The following LEKR1 variants were observed in gnomAD, a reference collection of about 807,000 sequenced individuals.
The protein encoded by LEKR1 is protein LEKR1.
LEKR1 carries 59 observed loss-of-function variants against 72.4 expected under a neutral mutation model. The observed-to-expected ratio is 0.82, with a 90% CI of 0.66 to 1.01. LEKR1 has a LOEUF of 1.01. Among genes scored for constraint, LEKR1 ranks in the 50% least tolerant of loss-of-function variants. The pLI is 0.00. For synonymous variants in LEKR1, 257 were observed against 263.2 expected, an observed-to-expected ratio of 0.98 and a Z score of 0.23; for missense variants, 728 against 759.2, an observed-to-expected ratio of 0.96 and a Z score of 0.48.
intron 3 of LEKR1, among the ~76,000 whole-genome samples, chr3:156,919,359 A>G (rs749920785): frequency 2.3e-5 from 3 of 133,180 alleles, no homozygotes; most frequent in Non-Finnish European, 4.6e-5. Context: ...TTGTATTACG[A>G]GCATTGTTGT....
intron 4 of LEKR1, chr3:156,924,351 C>G (rs1040146256): frequency 4.7e-5 from 19 of 407,304 alleles, no homozygotes; most frequent in Non-Finnish European, 7.8e-5. Flanking sequence ...AGAGTTCTTT[C>G]TATATTCTGG....
At chr3:156,906,029 T>C (rs1375479064) in intron 3 of LEKR1, among the ~76,000 whole-genome samples, 1 of 152,100 alleles carries the variant, frequency 6.6e-6, no homozygotes, top group Non-Finnish European at 1.5e-5. Context: ...CAAAATCAGT[T>C]TGAGGGAAAG....
In LEKR1 at chr3:157,037,502, C is replaced by A. The variant is rs146788597; in HGVS notation, c.1669-7838C>A. Among the ~76,000 whole-genome samples, 10 of 152,220 alleles carry A rather than the reference C, an allele frequency of 6.6e-5. No individual in the cohort carries two copies. The East Asian group carries it at 7.7e-4, about 12-fold the overall frequency. ...AGAATATAAACCTTAATGAGATTTT[C>A]TTTTCAGATTATGAGAAATGAAAAA... On this transcript the variant is annotated intron_variant, in intron 12 of 12. Transcript: ENST00000356539.
chr3:157,003,806 C>T (rs1295442564), intron 9 of LEKR1, among the ~76,000 whole-genome samples: 1 of 152,042 alleles, frequency 6.6e-6, no homozygotes, highest in Non-Finnish European at 1.5e-5. Flanking sequence ...ATTATCAACC[C>T]TGTAGCAACC....
At chr3:157,016,533 C>T (rs1733352004) in intron 10 of LEKR1, among the ~76,000 whole-genome samples, 1 of 151,724 alleles carries the variant, frequency 6.6e-6, no homozygotes, top group South Asian at 2.1e-4. Flanking sequence ...CTTCAGAAAG[C>T]ACTGAAAAAA....
chr3:157,014,578 ATGT>A (rs1194669178), intron 10 of LEKR1, among the ~76,000 whole-genome samples: 4 of 152,186 alleles, frequency 2.6e-5, no homozygotes, highest in South Asian at 4.1e-4. Context: ...GACACAGATG[ATGT>A]TGTTATTTAT....
At chr3:156,878,028 G>A (rs940768064) in intron 3 of LEKR1, among the ~76,000 whole-genome samples, 2 of 152,024 alleles carry the variant, frequency 1.3e-5, no homozygotes, top group African/African-American at 2.4e-5. Context: ...TGATCTGCCT[G>A]CCTCAGCCTC....
chr3:156,899,425 TACA>T (rs1298163990), intron 3 of LEKR1, among the ~76,000 whole-genome samples: 6 of 75,990 alleles, frequency 7.9e-5, no homozygotes, highest in Non-Finnish European at 1.2e-4. Context: ...TACACATATA[TACA>T]TGTATATATA....
intron 6 of LEKR1, among the ~76,000 whole-genome samples, chr3:156,957,063 T>G (rs1170796596): frequency 2.6e-5 from 4 of 152,092 alleles, no homozygotes; most frequent in African/African-American, 9.6e-5. Flanking sequence ...TTATCTCCTT[T>G]TTGATAATTT....
At chr3:156,888,821 C>G (rs1222960696) in intron 3 of LEKR1, among the ~76,000 whole-genome samples, 1 of 152,104 alleles carries the variant, frequency 6.6e-6, no homozygotes, top group Non-Finnish European at 1.5e-5. Flanking sequence ...GTCTTTGTGT[C>G]TTTTTTAAAA....
chr3:157,009,090 T>C (rs1258436233), intron 9 of LEKR1, among the ~76,000 whole-genome samples: 1 of 152,192 alleles, frequency 6.6e-6, no homozygotes, highest in African/African-American at 2.4e-5. Context: ...TACTGACATT[T>C]CTTTGTTTTC....
At chr3:156,920,863 A>G (rs140936343) in intron 4 of LEKR1, 169 bp downstream of exon 4, 10 of 446,360 alleles carry the variant, frequency 2.2e-5, no homozygotes, top group Non-Finnish European at 3.9e-5. Context: ...ATCTCAATGA[A>G]TAGTGTTGCT....
intron 12 of LEKR1, among the ~76,000 whole-genome samples, chr3:157,042,245 T>A (rs1159010066): frequency 6.6e-6 from 1 of 152,224 alleles, no homozygotes; most frequent in African/African-American, 2.4e-5. Context: ...CCTCCTGGTT[T>A]GGGAACTAAT....
chr3:156,886,764 A>G (rs1720139595), intron 3 of LEKR1, among the ~76,000 whole-genome samples: 1 of 152,168 alleles, frequency 6.6e-6, no homozygotes, highest in Non-Finnish European at 1.5e-5. Flanking sequence ...TCCCCTTCAC[A>G]CTTTGGCAAC....
chr3:156,957,325 G>A (rs1478452111), intron 6 of LEKR1, among the ~76,000 whole-genome samples: 1 of 151,974 alleles, frequency 6.6e-6, no homozygotes, highest in East Asian at 1.9e-4. Flanking sequence ...TATAATTACA[G>A]TTACATCAGA....
Position 157,011,487 on chromosome 3 carries a change from A to G in LEKR1, c.1184A>G (p.Asp395Gly). Residue 395 changes from aspartate (D) to glycine (G), a missense_variant, in exon 10 of 13, where the codon GAT becomes GGT. Asp to Gly is a moderately conservative substitution (Grantham distance 94, BLOSUM62 -1). Transcript: ENST00000356539. Reference protein sequence around the residue: ...QETLRQKLLSDDNWKEKIEAE... With the variant: ...QETLRQKLLSGDNWKEKIEAE... ...ACCCTTAGACAGAAGCTGCTGAGTG[A>G]TGATAACTGGAAGGAGAAGGTAATG... 2 of 1,612,246 alleles carry G rather than the reference A, an allele frequency of 1.2e-6. No homozygotes were observed.
chr3:156,850,287 C>A (rs1369940110), intron 2 of LEKR1, among the ~76,000 whole-genome samples: 1 of 151,708 alleles, frequency 6.6e-6, no homozygotes, highest in Non-Finnish European at 1.5e-5. Context: ...TTTACATTTA[C>A]ATCTGTAGTT....
At chr3:156,871,333 C>T (rs1191824009) in intron 3 of LEKR1, among the ~76,000 whole-genome samples, 1 of 152,180 alleles carries the variant, frequency 6.6e-6, no homozygotes, top group South Asian at 2.1e-4. Flanking sequence ...ATATGTGCCA[C>T]ATTTTCTTAA....
At position 157,045,615 on chromosome 3, in the gene LEKR1, A is replaced by C; in HGVS notation, c.1944A>C (p.Ser648=). ...GVSKPTTFPT[S]DKPKRVRSGV... ...CAAAACCCACCACTTTCCCAACCTC[A>C]GATAAGCCGAAGAGGGTTAGATCAG... Residue 648 remains serine, a synonymous_variant, in exon 13 of 13, where the codon TCA becomes TCC. Coordinates refer to ENST00000356539, the MANE Select transcript of LEKR1 (RefSeq NM_001004316.3). 2.5e-6 allele frequency: 4 copies of C among 1,614,148 alleles called. No homozygotes were observed. The highest frequency in any genetic ancestry group is 3.4e-6 in the Non-Finnish European group (4 of 1,180,018).
Sources: allele counts gnomAD v4.1 joint callset (sites outside exome capture counted in the v4.1 genomes callset), GRCh38; gene constraint gnomAD v4.1.1; transcripts MANE v1.5; gene names NCBI Gene and HGNC (gene_info 2026-07-23, HGNC 2026-07-21).